CLMN: variants seen among roughly 807,000 people sequenced by gnomAD.
CLMN encodes calmin (calponin-like, transmembrane).
In CLMN, 57 loss-of-function variants were observed where a neutral mutation model predicts 92.7. That is an observed-to-expected ratio of 0.61 (90% confidence interval 0.50 to 0.77). The LOEUF is 0.77. Ranked by LOEUF, CLMN falls within the 30% of genes least tolerant of loss-of-function variation. CLMN has a pLI of 0.00. For synonymous variants in CLMN, 466 were observed against 470.6 expected, an observed-to-expected ratio of 0.99 and a Z score of 0.13; for missense variants, 1,158 against 1,237.5, an observed-to-expected ratio of 0.94 and a Z score of 0.96.
chr14:95,263,671 G>A (rs1027529735), intron 1 of CLMN, among the ~76,000 whole-genome samples: 12 of 152,246 alleles, frequency 7.9e-5, no homozygotes, highest in African/African-American at 2.7e-4. Context: ...AAGGGCATGA[G>A]ACAGGCTTTG....
intron 1 of CLMN, among the ~76,000 whole-genome samples, chr14:95,275,566 T>G (rs554749054): frequency 6.6e-6 from 1 of 152,148 alleles, no homozygotes; most frequent in East Asian, 1.9e-4. Flanking sequence ...TCATAAATAA[T>G]CCACGCCTTC....
intron 1 of CLMN, among the ~76,000 whole-genome samples, chr14:95,272,744 A>C (rs1490458128): frequency 6.6e-6 from 1 of 152,216 alleles, no homozygotes; most frequent in Non-Finnish European, 1.5e-5. Flanking sequence ...TTCATGGTGT[A>C]GTGGGACAGA....
In CLMN at chr14:95,185,788, T is replaced by C. The variant is rs8005908; in HGVS notation, c.*5776A>G. On this transcript the variant is annotated 3_prime_UTR_variant, in exon 13 of 13. Transcript: ENST00000298912. ...CCAAGCAGAAGGGAGAGAGAGGCCG[T>C]GTCTCAAAACTCCAGAGGCTTCTGA... 0.22 allele frequency: 33,893 copies of C among 151,818 alleles called. 4,644 individuals carry two copies. The highest frequency in any genetic ancestry group is 0.38 in the African/African-American group (15,562 of 41,306). 9.4% of individuals were successfully genotyped at this position (151,818 alleles called of 1,614,324 possible). A position where few individuals can be genotyped will look rare whatever the true frequency, so the allele number is the denominator to read the frequency against.
intron 2 of CLMN, among the ~76,000 whole-genome samples, chr14:95,227,131 G>A (rs923124528): frequency 3.3e-5 from 5 of 152,104 alleles, no homozygotes; most frequent in Admixed American, 6.5e-5. Flanking sequence ...AGAGACCCAG[G>A]GGCAGGAAAC....
rs949548788 is a variant in CLMN, at chr14:95,191,830, C to A, written c.2841-98G>T. The A allele has an allele frequency of 8.3e-7, 1 of 1,203,854 alleles. No homozygotes were observed. Among genetic ancestry groups the A allele is most frequent in the Non-Finnish European group, 1.2e-6 (1 of 869,006 alleles). 74.6% of individuals were successfully genotyped at this position (1,203,854 alleles called of 1,614,324 possible). On this transcript the variant is annotated intron_variant, in intron 12 of 12. Transcript: ENST00000298912. The surrounding 1 kb of genome is among the most constrained non-coding windows in gnomAD (Gnocchi z 5.3). ...CCGTCTCTCCCCGGCCCCCACTCCC[C>A]GCCTGAAGACCCGAAGGCTCCCCAG...
At chr14:95,197,270 GAGGAGGAGGAAGAAGGAGA>G (rs1360120473) in intron 9 of CLMN, among the ~76,000 whole-genome samples, 1 of 150,648 alleles carries the variant, frequency 6.6e-6, no homozygotes, top group Non-Finnish European at 1.5e-5. Context: ...AAGAAGAAAA[GAGGAGGAGGAAGAAGGAGA>G]AGGAGGAGGA....
intron 1 of CLMN, among the ~76,000 whole-genome samples, chr14:95,234,380 C>G (rs1038484216): frequency 6.6e-6 from 1 of 152,220 alleles, no homozygotes; most frequent in East Asian, 1.9e-4. Flanking sequence ...ACGCCCACCC[C>G]CCATCCTGCA....
rs1311437965 is a variant in CLMN at position 95,204,427 on chromosome 14, C to T, written c.922G>A (p.Glu308Lys). The change falls in exon 9 of 13, where the codon GAA (glutamate) becomes AAA (lysine). Residue 308 changes from glutamate (E) to lysine (K), a missense_variant. Glu to Lys is a moderately conservative substitution (Grantham distance 56, BLOSUM62 1). Transcript: ENST00000298912. ...IFDSDKEVPI[E>K]STFVRIKETP... is the part of the protein sequence containing the mutation. ...TCTTTGATGCGAACAAAAGTGGATTCGATAGGAACTTCTTTATCTGAATCG... is the reference window on the plus strand; with the variant it reads ...TCTTTGATGCGAACAAAAGTGGATTTGATAGGAACTTCTTTATCTGAATCG... The T allele has an allele frequency of 1.4e-5, 22 of 1,598,384 alleles. No individual in the cohort carries two copies. Among genetic ancestry groups the T allele is most frequent in the Admixed American group, 3.5e-5 (2 of 57,542 alleles).
At chr14:95,212,614 C>T (rs1272045282) in intron 6 of CLMN, among the ~76,000 whole-genome samples, 1 of 152,130 alleles carries the variant, frequency 6.6e-6, no homozygotes, top group African/African-American at 2.4e-5. Flanking sequence ...AGCTTAAATG[C>T]ACACAAGTCA....
chr14:95,316,434 A>T (rs1901774765), intron 1 of CLMN, among the ~76,000 whole-genome samples: 1 of 152,214 alleles, frequency 6.6e-6, no homozygotes, highest in Non-Finnish European at 1.5e-5. Context: ...ATCCATGAAC[A>T]CTGCATCTGC....
chr14:95,234,013 A>G (rs1414760987), intron 1 of CLMN, among the ~76,000 whole-genome samples: 4 of 152,208 alleles, frequency 2.6e-5, no homozygotes, highest in African/African-American at 9.6e-5. Context: ...ATCTGGACCT[A>G]AAACTGGGAC....
intron 1 of CLMN, among the ~76,000 whole-genome samples, chr14:95,308,363 T>C (rs528042811): frequency 3.3e-5 from 5 of 152,266 alleles, no homozygotes; most frequent in East Asian, 3.9e-4. Flanking sequence ...AGTAAGTCAA[T>C]TGTCCTCTCT....
rs995133704 is a variant in CLMN, at chr14:95,185,973, C to T, written c.*5591G>A. 6.6e-6 allele frequency: 1 copy of T among 152,196 alleles called. No homozygotes were observed. Among genetic ancestry groups the T allele is most frequent in the African/African-American group, 2.4e-5 (1 of 41,436 alleles). The allele number at this position is 152,196 out of a possible 1,614,324, so 9.4% of individuals were successfully genotyped here. ...TAAGACACATCTGTACTTGCTAATTCTGACTTTTGTTGGAGAGATGAGCTC... is the reference window on the plus strand; with the variant it reads ...TAAGACACATCTGTACTTGCTAATTTTGACTTTTGTTGGAGAGATGAGCTC... On this transcript the variant is annotated 3_prime_UTR_variant, in exon 13 of 13. Coordinates refer to ENST00000298912, the MANE Select transcript of CLMN (RefSeq NM_024734.4).
intron 1 of CLMN, among the ~76,000 whole-genome samples, chr14:95,274,756 G>A (rs111511715): frequency 0.081 from 12,257 of 152,218 alleles, 558 homozygotes; most frequent in South Asian, 0.15. Flanking sequence ...CAAAGCGGGC[G>A]GATCACCAGG....
Position 95,191,837 on chromosome 14 carries a change from A to G in CLMN, c.2841-105T>C. 1 of 1,118,928 alleles carries G rather than the reference A, an allele frequency of 8.9e-7. No homozygotes were observed. Among genetic ancestry groups the G allele is most frequent in the Non-Finnish European group, 1.3e-6 (1 of 794,250 alleles). The allele number at this position is 1,118,928 out of a possible 1,614,324, so 69.3% of individuals were successfully genotyped here. On this transcript the variant is annotated intron_variant, in intron 12 of 12. Transcript: ENST00000298912. The surrounding 1 kb of genome is among the most constrained non-coding windows in gnomAD (Gnocchi z 5.3). The stretch of plus-strand genomic sequence containing the variant: ...TCCCCGGCCCCCACTCCCCGCCTGA[A>G]GACCCGAAGGCTCCCCAGCACCATG...
At chr14:95,253,835 C>T (rs181989503) in intron 1 of CLMN, among the ~76,000 whole-genome samples, 7 of 152,134 alleles carry the variant, frequency 4.6e-5, no homozygotes, top group Admixed American at 4.6e-4. Flanking sequence ...AGGATGGTCT[C>T]GATCTCCTGA....
intron 1 of CLMN, among the ~76,000 whole-genome samples, chr14:95,269,888 C>T (rs1899637134): frequency 6.6e-6 from 1 of 152,208 alleles, no homozygotes; most frequent in Non-Finnish European, 1.5e-5. Flanking sequence ...CACCCCAATC[C>T]ACAGGCTGGA....
intron 1 of CLMN, among the ~76,000 whole-genome samples, chr14:95,300,882 C>T (rs112159118): frequency 7.2e-5 from 11 of 152,294 alleles, no homozygotes; most frequent in African/African-American, 2.2e-4. Flanking sequence ...AGCCTGGAAC[C>T]GAGCAGACGC....
chr14:95,226,222 A>G (rs1897706200), intron 2 of CLMN, among the ~76,000 whole-genome samples: 1 of 152,214 alleles, frequency 6.6e-6, no homozygotes, highest in South Asian at 2.1e-4. Context: ...TTTGTATATA[A>G]TCTATGCACA....
Sources: allele counts gnomAD v4.1 joint callset (sites outside exome capture counted in the v4.1 genomes callset), GRCh38; gene constraint gnomAD v4.1.1; non-coding constraint Gnocchi (gnomAD v3.1); transcripts MANE v1.5; gene names NCBI Gene and HGNC (gene_info 2026-07-23, HGNC 2026-07-21).